Variants in ENPP1 observed in about 807,000 individuals in gnomAD.
ENPP1 encodes the protein ectonucleotide pyrophosphatase/phosphodiesterase 1, also known as ectonucleotide pyrophosphatase/phosphodiesterase family member 1.
In ENPP1, 73 loss-of-function variants were observed where a neutral mutation model predicts 122.8. The observed-to-expected ratio is 0.59, with a 90% CI of 0.49 to 0.72. The LOEUF (loss-of-function observed/expected upper bound fraction) is 0.72. Among genes scored for constraint, ENPP1 ranks in the 30% least tolerant of loss-of-function variants. The pLI is 0.00. For missense variants in ENPP1, 978 were observed against 1,128.1 expected, an observed-to-expected ratio of 0.87 and a Z score of 1.91; for synonymous variants, 367 against 391.6, an observed-to-expected ratio of 0.94 and a Z score of 0.74.
chr6:131,811,646 C>T (rs772312844), intron 1 of ENPP1, among the ~76,000 whole-genome samples: 1 of 152,070 alleles, frequency 6.6e-6, no homozygotes, highest in Non-Finnish European at 1.5e-5. Context: ...ATCACACATT[C>T]CAGGAACATG....
At chr6:131,852,092 A>G in intron 4 of ENPP1, 83 bp from the exon 5 acceptor site, 1 of 898,746 alleles carries the variant, frequency 1.1e-6, no homozygotes. Context: ...TTGTTTTTGG[A>G]ATCTGTCTTA....
chr6:131,839,702 A>T (rs1405920770), intron 1 of ENPP1, among the ~76,000 whole-genome samples: 5 of 151,912 alleles, frequency 3.3e-5, no homozygotes, highest in Non-Finnish European at 2.9e-5. Context: ...ATAACCAAAA[A>T]TTGGGACCAT....
chr6:131,887,401 T>G (rs929136390), intron 24 of ENPP1, among the ~76,000 whole-genome samples: 1 of 151,824 alleles, frequency 6.6e-6, no homozygotes, highest in Non-Finnish European at 1.5e-5. Flanking sequence ...GCAATTTTTT[T>G]TTTTTTTTTG....
At chr6:131,831,299 G>A (rs1462520207) in intron 1 of ENPP1, among the ~76,000 whole-genome samples, 1 of 152,004 alleles carries the variant, frequency 6.6e-6, no homozygotes, top group African/African-American at 2.4e-5. Context: ...TGAAGCTTGT[G>A]CAGAGTTCCA....
chr6:131,864,499 A>AT lies in ENPP1; in HGVS notation c.1026-3dup. 1 of 1,591,412 alleles carries AT rather than the reference A, an allele frequency of 6.3e-7. No individual in the cohort carries two copies. Among genetic ancestry groups the AT allele is most frequent in the Non-Finnish European group, 8.6e-7 (1 of 1,160,018 alleles). ...CATCTTTTATTTTTGTTTGTTCTTC[A>AT]TTTTAGTTCAGTACCATTTGAAGAA... On this transcript the variant is annotated splice_region_variant and splice_polypyrimidine_tract_variant and intron_variant, in intron 9 of 24. Coordinates refer to ENST00000647893, the MANE Select transcript of ENPP1 (RefSeq NM_006208.3).
rs965428904 is a variant in ENPP1, at chr6:131,830,958, G to A, written c.241-16818G>A. On this transcript the variant is annotated intron_variant, in intron 1 of 24. Coordinates refer to ENST00000647893, the MANE Select transcript of ENPP1 (RefSeq NM_006208.3). ...AAACCACTGTCTCTACCAAAAATAC[G>A]GAAAATTAGCTGGGCATAGTGGCAT... Among the ~76,000 whole-genome samples, 6 of 151,334 alleles carry A rather than the reference G, an allele frequency of 4.0e-5. No individual in the cohort carries two copies. The East Asian group carries it at 5.8e-4, about 15-fold the overall frequency.
At chr6:131,828,030 G>T in intron 1 of ENPP1, 1 of 674,984 alleles carries the variant, frequency 1.5e-6, no homozygotes, top group South Asian at 1.4e-5. Context: ...GCAAAGAACA[G>T]TGTGTGCAAG....
intron 1 of ENPP1, chr6:131,820,199 G>A (rs986473585): frequency 1.3e-5 from 3 of 228,762 alleles, no homozygotes; most frequent in South Asian, 7.2e-5. Flanking sequence ...ATCTGAAAAG[G>A]CATCTTAGGG....
chr6:131,831,675 A>C (rs1417557716), intron 1 of ENPP1, among the ~76,000 whole-genome samples: 1 of 152,214 alleles, frequency 6.6e-6, no homozygotes, highest in Non-Finnish European at 1.5e-5. Context: ...ATTTTTGGGA[A>C]GCACATGACA....
At chr6:131,842,651 A>G (rs1781756759) in intron 1 of ENPP1, among the ~76,000 whole-genome samples, 1 of 152,036 alleles carries the variant, frequency 6.6e-6, no homozygotes, top group African/African-American at 2.4e-5. Flanking sequence ...TGTTGTTAGT[A>G]TGTTAGCATT....
intron 1 of ENPP1, 74 bp from the exon 2 acceptor site, chr6:131,847,702 T>G: frequency 9.4e-7 from 1 of 1,066,202 alleles, no homozygotes; most frequent in Non-Finnish European, 1.4e-6. Context: ...TAAGACACTA[T>G]CTCTAAAAAT....
chr6:131,839,733 A>G (rs183791756), intron 1 of ENPP1, among the ~76,000 whole-genome samples: 5 of 152,144 alleles, frequency 3.3e-5, no homozygotes, highest in Non-Finnish European at 7.4e-5. Context: ...CTGTTTTATC[A>G]TCTGTTCTTT....
intron 1 of ENPP1, among the ~76,000 whole-genome samples, chr6:131,809,126 C>T (rs1781317854): frequency 6.6e-6 from 1 of 152,090 alleles, no homozygotes; most frequent in Non-Finnish European, 1.5e-5. Flanking sequence ...TTGTGCATTG[C>T]ATGGGATTAT....
rs1457116506 is a variant in ENPP1 at position 131,837,616 on chromosome 6, C to CT, written c.241-10158dup. Among the ~76,000 whole-genome samples the CT allele has an allele frequency of 2.6e-5, 4 of 152,000 alleles. No homozygotes were observed. The East Asian group carries it at 7.7e-4, about 29-fold the overall frequency. ...TTCCATTACTTCTTTACTACTTCCC[C>CT]TTCCTTCTATCATTGTCATTTTCAA... On this transcript the variant is annotated intron_variant, in intron 1 of 24. Coordinates refer to ENST00000647893, the MANE Select transcript of ENPP1 (RefSeq NM_006208.3).
Position 131,875,778 on chromosome 6 carries a change from C to T in ENPP1, c.1638C>T (p.Ala546=), listed in dbSNP as rs1157232348. ...AACTTCCTTTTCTGGCCATCTAGGCCCTCTTTGTTGGCTATGGACCTGGAT... is the reference window on the plus strand; with the variant it reads ...AACTTCCTTTTCTGGCCATCTAGGCTCTCTTTGTTGGCTATGGACCTGGAT... The part of the protein sequence containing the change: ...GSDNVFSNMQ[A]LFVGYGPGFK... Residue 546 remains alanine, a splice_region_variant and synonymous_variant, in exon 17 of 25, where the codon GCC becomes GCT. Coordinates refer to ENST00000647893, the MANE Select transcript of ENPP1 (RefSeq NM_006208.3). 1 of 1,613,636 alleles carries T rather than the reference C, an allele frequency of 6.2e-7. No individual in the cohort carries two copies. The highest frequency in any genetic ancestry group is 8.5e-7 in the Non-Finnish European group (1 of 1,179,612).
chr6:131,874,420 A>G lies in ENPP1; in HGVS notation c.1635+83A>G, dbSNP rs1450319942. ...GTTTTAGACTTGAAAACATACTGTG[A>G]TTATATGTCTTGAATGAGAATTAAT... On this transcript the variant is annotated intron_variant, in intron 16 of 24. Transcript: ENST00000647893. The G allele has an allele frequency of 3.9e-6, 3 of 775,402 alleles. No individual in the cohort carries two copies. The African/African-American group carries it at 5.3e-5, about 14-fold the overall frequency. 48.0% of individuals were successfully genotyped at this position (775,402 alleles called of 1,614,324 possible).
At chr6:131,808,296 C>T (rs1036905075) in intron 1 of ENPP1, 21 bp downstream of exon 1, 2 of 1,484,824 alleles carry the variant, frequency 1.3e-6, no homozygotes, top group Admixed American at 2.2e-5. Context: ...GGCCAGGCCC[C>T]GGCGCCCGGG....
In ENPP1 at chr6:131,869,489, TGTAA is replaced by T; in HGVS notation, c.1405+4_1405+7del. 6.2e-7 allele frequency: 1 copy of T among 1,613,150 alleles called. No individual in the cohort carries two copies. Among genetic ancestry groups the T allele is most frequent in the South Asian group, 1.1e-5 (1 of 91,066 alleles). On this transcript the variant is annotated splice_donor_variant and splice_donor_region_variant and intron_variant, in intron 13 of 24. Transcript: ENST00000647893. LOFTEE classifies it high-confidence loss of function. ...TGATGTCCCAGATAAATACTATTCA[TGTAA>T]GTATATCTCTGTGATAACTTTGAAT...
At chr6:131,827,307 A>T in intron 1 of ENPP1, 2 of 1,346,570 alleles carry the variant, frequency 1.5e-6, no homozygotes, top group South Asian at 2.3e-5. Flanking sequence ...CTGATTAGCC[A>T]GATGAAGGAT....
Sources: allele counts gnomAD v4.1 joint callset (sites outside exome capture counted in the v4.1 genomes callset), GRCh38; gene constraint gnomAD v4.1.1; transcripts MANE v1.5; gene names NCBI Gene and HGNC (gene_info 2026-07-23, HGNC 2026-07-21).